Variants in VPS13B observed in about 807,000 individuals in gnomAD.
The protein encoded by VPS13B is vacuolar protein sorting 13 homolog B.
Under a neutral mutation model 426.4 loss-of-function variants are expected in VPS13B, and 285 were observed. The ratio of observed to expected loss-of-function variants is 0.67; its 90% CI spans 0.61 to 0.74. VPS13B has a LOEUF of 0.74. Ranked by LOEUF, VPS13B falls within the 30% of genes least tolerant of loss-of-function variation. The pLI is 0.00. For synonymous variants in VPS13B, 1,676 were observed against 1,676.4 expected, an observed-to-expected ratio of 1.00 and a Z score of 0.01; for missense variants, 4,537 against 4,782.6, an observed-to-expected ratio of 0.95 and a Z score of 1.51.
intron 12 of VPS13B, among the ~76,000 whole-genome samples, chr8:99,139,900 T>G (rs920744157): frequency 5.3e-5 from 8 of 151,878 alleles, no homozygotes; most frequent in Non-Finnish European, 1.2e-4. Flanking sequence ...TGTGACAACT[T>G]TTTTTTTGTT....
chr8:99,324,605 A>G (rs1810143715), intron 19 of VPS13B, among the ~76,000 whole-genome samples: 2 of 152,174 alleles, frequency 1.3e-5, no homozygotes, highest in African/African-American at 4.8e-5. Flanking sequence ...TGTCTGAAAA[A>G]AAGAAAAAAT....
rs1442032566 is a variant in VPS13B, at chr8:99,871,521, CAGG to C, written c.11572_11574del (p.Glu3858del). On this transcript the variant is annotated inframe_deletion, in exon 61 of 62. Transcript: ENST00000357162. ...CGTGGTTCTGGTGAGGGGCTCAGGC[CAGG>C]AGCATGAAGGGTGCTTGCTGCTGAC... is the stretch of plus-strand genomic sequence containing the variant. 5.6e-6 allele frequency: 9 copies of C among 1,614,106 alleles called. No individual in the cohort carries two copies. The highest frequency in any genetic ancestry group is 1.6e-4 in the Middle Eastern group (1 of 6,080).
At chr8:99,481,895 T>C (rs942501331) in intron 25 of VPS13B, 93 bp downstream of exon 25, 51 of 1,397,014 alleles carry the variant, frequency 3.7e-5, no homozygotes, top group Non-Finnish European at 4.9e-5. Flanking sequence ...ACCTCACTAC[T>C]GTGAAAACTG....
chr8:99,343,862 G>T (rs1450496938), intron 19 of VPS13B, among the ~76,000 whole-genome samples: 1 of 152,186 alleles, frequency 6.6e-6, no homozygotes, highest in Non-Finnish European at 1.5e-5. Context: ...CTTATGGATT[G>T]AAAGAATCAA....
intron 3 of VPS13B, among the ~76,000 whole-genome samples, chr8:99,044,592 C>G (rs1334516240): frequency 6.6e-6 from 1 of 151,424 alleles, no homozygotes; most frequent in African/African-American, 2.4e-5. Context: ...TTTGGTGCTC[C>G]CATCACACAA....
rs779751988 is a variant in VPS13B, at chr8:99,868,313, A to T, written c.11240A>T (p.Gln3747Leu). The change falls in exon 59 of 62, where the codon CAG becomes CTG. Residue 3747 changes from glutamine (Q) to leucine (L), a missense_variant. Physicochemically the swap from Gln to Leu is moderately radical, Grantham distance 113. This residue lies in a region of VPS13B where 4,311 missense variants were observed against 4,474.3 expected (regional missense o/e 0.96). Coordinates refer to ENST00000357162, the MANE Select transcript of VPS13B (RefSeq NM_152564.5). ...GGTGCAATTGCTGGTATAGTTGATC[A>T]GCCGATGCAGAACTTCCAGAAAACA... is the stretch of plus-strand genomic sequence containing the variant. ...LLGAIAGIVD[Q>L]PMQNFQKTSE... The T allele has an allele frequency of 6.2e-7, 1 of 1,614,218 alleles. No homozygotes were observed. Among genetic ancestry groups the T allele is most frequent in the Non-Finnish European group, 8.5e-7 (1 of 1,180,036 alleles).
chr8:99,259,513 A>G (rs1467856771), intron 17 of VPS13B, among the ~76,000 whole-genome samples: 2 of 152,086 alleles, frequency 1.3e-5, no homozygotes, highest in Non-Finnish European at 2.9e-5. Flanking sequence ...CACTTCAGTA[A>G]GCTCATAATG....
At chr8:99,326,559 C>T (rs1234561287) in intron 19 of VPS13B, among the ~76,000 whole-genome samples, 1 of 143,440 alleles carries the variant, frequency 7.0e-6, no homozygotes, top group East Asian at 2.0e-4. Context: ...CTCTCCTGCC[C>T]TGCTAATTTT....
chr8:99,744,744 C>A (rs1184355416), intron 39 of VPS13B, among the ~76,000 whole-genome samples: 1 of 151,548 alleles, frequency 6.6e-6, no homozygotes, highest in Non-Finnish European at 1.5e-5. Context: ...ACTGCATATT[C>A]TCACTCATAG....
chr8:99,561,100 A>G (rs1824898036), intron 31 of VPS13B, among the ~76,000 whole-genome samples: 1 of 152,204 alleles, frequency 6.6e-6, no homozygotes, highest in South Asian at 2.1e-4. Flanking sequence ...CATTTACAAT[A>G]TTGAGCAACT....
chr8:99,752,840 A>G (rs1229972752), intron 39 of VPS13B, among the ~76,000 whole-genome samples: 1 of 152,206 alleles, frequency 6.6e-6, no homozygotes. Context: ...TTTAGCTTTA[A>G]AACAATCATG....
intron 8 of VPS13B, among the ~76,000 whole-genome samples, chr8:99,132,084 A>G (rs1005464553): frequency 6.6e-6 from 1 of 152,066 alleles, no homozygotes; most frequent in African/African-American, 2.4e-5. Flanking sequence ...TTTGGTAGAG[A>G]TGGGGTTTCA....
intron 19 of VPS13B, among the ~76,000 whole-genome samples, chr8:99,336,570 C>T (rs776254621): frequency 6.6e-6 from 1 of 151,596 alleles, no homozygotes; most frequent in South Asian, 2.1e-4. Flanking sequence ...CATCAGAGTG[C>T]AGGCAACCTA....
At chr8:99,565,574 C>T (rs556024027) in intron 31 of VPS13B, among the ~76,000 whole-genome samples, 211 of 152,170 alleles carry the variant, frequency 1.4e-3, no homozygotes, top group Middle Eastern at 3.4e-3. Context: ...TGAGAGATTA[C>T]GACTATTCTC....
chr8:99,848,345 A>T (rs1435533916), intron 54 of VPS13B, among the ~76,000 whole-genome samples: 1 of 152,190 alleles, frequency 6.6e-6, no homozygotes, highest in African/African-American at 2.4e-5. Flanking sequence ...GCCCAGAAGG[A>T]CACCCCTATA....
intron 15 of VPS13B, among the ~76,000 whole-genome samples, chr8:99,165,735 C>G (rs1279802553): frequency 6.6e-6 from 1 of 152,170 alleles, no homozygotes. Flanking sequence ...CATTTGAAAG[C>G]ACATCTACCT....
intron 6 of VPS13B, among the ~76,000 whole-genome samples, chr8:99,112,733 T>C (rs1039942614): frequency 1.3e-5 from 2 of 152,196 alleles, no homozygotes; most frequent in African/African-American, 2.4e-5. Context: ...ATATGGAAGC[T>C]TACTATATAA....
At chr8:99,700,809 G>T (rs1207037912) in intron 36 of VPS13B, among the ~76,000 whole-genome samples, 1 of 152,144 alleles carries the variant, frequency 6.6e-6, no homozygotes, top group Non-Finnish European at 1.5e-5. Flanking sequence ...TTCAATCACA[G>T]AAACTGCTAC....
At chr8:99,761,203 A>G (rs1810914530) in intron 39 of VPS13B, among the ~76,000 whole-genome samples, 1 of 152,226 alleles carries the variant, frequency 6.6e-6, no homozygotes, top group African/African-American at 2.4e-5. Flanking sequence ...CTGACGCATA[A>G]CTGACATACT....
Sources: gnomAD v4.1 joint callset for allele counts (sites outside exome capture counted in the v4.1 genomes callset) on GRCh38, gnomAD v4.1.1 for gene constraint, gnomAD v4.1.1 regional missense constraint, MANE v1.5 for transcripts, NCBI Gene and HGNC (gene_info 2026-07-23, HGNC 2026-07-21) for gene names.